The following LRRC4C variants were observed in gnomAD, a reference collection of about 807,000 sequenced individuals.
LRRC4C encodes the protein leucine-rich repeat-containing protein 4C.
Under a neutral mutation model 33.6 loss-of-function variants are expected in LRRC4C, and 5 were observed. The ratio of observed to expected loss-of-function variants is 0.15; its 90% CI spans 0.08 to 0.31. The LOEUF (loss-of-function observed/expected upper bound fraction) is 0.31. LRRC4C is among the 10% of genes least tolerant of loss of function. The pLI, the probability that LRRC4C is intolerant of heterozygous loss-of-function variation, is 1.00. For missense variants in LRRC4C, 560 were observed against 796.7 expected, an observed-to-expected ratio of 0.70 and a Z score of 3.58; for synonymous variants, 329 against 302.0, an observed-to-expected ratio of 1.09 and a Z score of -0.93.
At chr11:40,913,378 T>C (rs535700359) in intron 2 of LRRC4C, among the ~76,000 whole-genome samples, 2 of 152,260 alleles carry the variant, frequency 1.3e-5, no homozygotes, top group Non-Finnish European at 2.9e-5. Context: ...AAATTAGAAC[T>C]CAGGATTAAT....
At chr11:41,434,831 G>A (rs1292843746) in intron 1 of LRRC4C, among the ~76,000 whole-genome samples, 1 of 152,118 alleles carries the variant, frequency 6.6e-6, no homozygotes, top group Non-Finnish European at 1.5e-5. Context: ...GTGAGCAGCT[G>A]GTAATACAGC....
At chr11:40,462,987 T>C (rs1050315296) in intron 3 of LRRC4C, among the ~76,000 whole-genome samples, 4 of 151,208 alleles carry the variant, frequency 2.6e-5, no homozygotes, top group African/African-American at 9.7e-5. Flanking sequence ...ATCCGTAATA[T>C]GAAGTGTCTC....
intron 3 of LRRC4C, among the ~76,000 whole-genome samples, chr11:40,437,397 CTT>C (rs755579650): frequency 9.0e-5 from 13 of 143,966 alleles, no homozygotes; most frequent in South Asian, 2.2e-4. Context: ...TTCTTTTTTT[CTT>C]TTTTTTTTTT....
chr11:41,167,893 CA>C lies in LRRC4C; in HGVS notation c.-495-234171del, dbSNP rs545817627. 7.9e-5 allele frequency among the ~76,000 whole-genome samples: 12 copies of C among 152,260 alleles called. No homozygotes were observed. In the South Asian group the frequency reaches 1.9e-3, roughly 24 times the overall value. ...GATTCAAGTAATTTGACTAACTAATCAACAGGAGATTATTTCTCAGCTATGT... is the reference window on the plus strand; with the variant it reads ...GATTCAAGTAATTTGACTAACTAATCACAGGAGATTATTTCTCAGCTATGT... On this transcript the variant is annotated intron_variant, in intron 1 of 6. Transcript: ENST00000528697.
At chr11:40,329,144 A>T (rs1946230766) in intron 3 of LRRC4C, among the ~76,000 whole-genome samples, 1 of 152,148 alleles carries the variant, frequency 6.6e-6, no homozygotes, top group Non-Finnish European at 1.5e-5. Flanking sequence ...TGCTCCATAC[A>T]CTCTCATTAT....
chr11:41,371,215 C>T (rs2137783925), intron 1 of LRRC4C, among the ~76,000 whole-genome samples: 1 of 152,260 alleles, frequency 6.6e-6, no homozygotes, highest in African/African-American at 2.4e-5. Context: ...GGAGCTATGA[C>T]TGATAAAATG....
intron 5 of LRRC4C, among the ~76,000 whole-genome samples, chr11:40,194,687 T>C (rs1862111022): frequency 6.6e-6 from 1 of 152,006 alleles, no homozygotes; most frequent in East Asian, 1.9e-4. Flanking sequence ...GGTTGATGGG[T>C]GCAGCAAACC....
In LRRC4C at chr11:40,528,958, C is replaced by T. The variant is rs1330792846; in HGVS notation, c.-270+119184G>A. Among the ~76,000 whole-genome samples the T allele has an allele frequency of 2.0e-5, 3 of 152,116 alleles. No individual in the cohort carries two copies. The South Asian group carries it at 6.2e-4, about 32-fold the overall frequency. On this transcript the variant is annotated intron_variant, in intron 3 of 6. Transcript: ENST00000528697. The stretch of plus-strand genomic sequence containing the variant: ...TAGTCAAACTCATAGAAGCAGAGAA[C>T]AGAATATAGGTTACCAGTGTCAGGG...
At chr11:40,128,063 G>T (rs61911791) in intron 6 of LRRC4C, among the ~76,000 whole-genome samples, 2,094 of 148,234 alleles carry the variant, frequency 0.014, 27 homozygotes, top group Non-Finnish European at 0.021. Flanking sequence ...CAGCTTTAGA[G>T]TAAAATGCCC....
At chr11:40,419,640 A>C (rs1950451562) in intron 3 of LRRC4C, among the ~76,000 whole-genome samples, 1 of 152,246 alleles carries the variant, frequency 6.6e-6, no homozygotes, top group Non-Finnish European at 1.5e-5. Context: ...CCCGCTGTAC[A>C]AGAAATGTGA....
At chr11:40,795,347 T>C (rs938566330) in intron 2 of LRRC4C, among the ~76,000 whole-genome samples, 2 of 151,878 alleles carry the variant, frequency 1.3e-5, no homozygotes, top group African/African-American at 4.8e-5. Context: ...GCTAACACGG[T>C]GAAACCCTCT....
chr11:40,561,096 T>C (rs1314877667), intron 3 of LRRC4C, among the ~76,000 whole-genome samples: 6 of 152,158 alleles, frequency 3.9e-5, no homozygotes, highest in Admixed American at 3.9e-4. Flanking sequence ...TGGTCAAACT[T>C]AGGAAAATGA....
intron 6 of LRRC4C, among the ~76,000 whole-genome samples, chr11:40,134,346 T>A (rs567125681): frequency 1.3e-5 from 2 of 152,214 alleles, no homozygotes; most frequent in South Asian, 4.1e-4. Flanking sequence ...GTAGAATAAA[T>A]GAAATAACAC....
At chr11:41,286,188 T>C (rs1272945387) in intron 1 of LRRC4C, among the ~76,000 whole-genome samples, 1 of 152,198 alleles carries the variant, frequency 6.6e-6, no homozygotes, top group East Asian at 1.9e-4. Flanking sequence ...ATTCTTCTCA[T>C]GTGACTGGAT....
intron 4 of LRRC4C, among the ~76,000 whole-genome samples, chr11:40,307,241 G>C (rs1180183602): frequency 6.6e-6 from 1 of 151,978 alleles, no homozygotes; most frequent in Non-Finnish European, 1.5e-5. Context: ...AAACCACTAG[G>C]GTGTTGGGAT....
chr11:40,254,515 T>C (rs941573058), intron 4 of LRRC4C, among the ~76,000 whole-genome samples: 6 of 152,232 alleles, frequency 3.9e-5, no homozygotes, highest in African/African-American at 9.6e-5. Context: ...CAATTGTTAT[T>C]GCTATTGTGA....
chr11:40,384,505 C>T (rs146503600), intron 3 of LRRC4C, among the ~76,000 whole-genome samples: 217 of 152,178 alleles, frequency 1.4e-3, no homozygotes, highest in Non-Finnish European at 2.6e-3. Flanking sequence ...AAGTCATGTA[C>T]CTAACATATA....
intron 3 of LRRC4C, among the ~76,000 whole-genome samples, chr11:40,513,266 A>AG (rs1199105574): frequency 4.6e-5 from 7 of 151,344 alleles, no homozygotes; most frequent in Admixed American, 6.6e-5. Flanking sequence ...AAAAAAAAAA[A>AG]AAAGAAAAGA....
intron 1 of LRRC4C, among the ~76,000 whole-genome samples, chr11:40,948,543 G>C (rs1350745068): frequency 8.1e-6 from 1 of 122,852 alleles, no homozygotes; most frequent in Non-Finnish European, 1.6e-5. Flanking sequence ...ACAGTCCCCA[G>C]AGTGTGATGT....
Sources: gnomAD v4.1 joint callset for allele counts (sites outside exome capture counted in the v4.1 genomes callset) on GRCh38, gnomAD v4.1.1 for gene constraint, MANE v1.5 for transcripts, NCBI Gene and HGNC (gene_info 2026-07-23, HGNC 2026-07-21) for gene names.